The following EIF3J variants were observed in gnomAD, a reference collection of about 807,000 sequenced individuals.
EIF3J encodes the protein eukaryotic translation initiation factor 3, subunit 1 (alpha, 35kD).
Under a neutral mutation model 39.0 loss-of-function variants are expected in EIF3J, and 15 were observed. The observed-to-expected ratio is 0.38, with a 90% CI of 0.26 to 0.59. The LOEUF is 0.59. Among genes scored for constraint, EIF3J ranks in the 20% least tolerant of loss-of-function variants. The pLI is 0.60. For synonymous variants in EIF3J, 98 were observed against 112.9 expected, an observed-to-expected ratio of 0.87 and a Z score of 0.84; for missense variants, 226 against 308.6, an observed-to-expected ratio of 0.73 and a Z score of 2.00.
At chr15:44,548,512 A>G (rs1031354483) in intron 2 of EIF3J, among the ~76,000 whole-genome samples, 3 of 152,234 alleles carry the variant, frequency 2.0e-5, no homozygotes, top group East Asian at 3.8e-4. Flanking sequence ...GACCAAGTAC[A>G]TATGAAAATT....
rs779117163 is a variant in EIF3J, at chr15:44,537,361, G to A, written c.81G>A (p.Lys27=). The A allele has an allele frequency of 6.8e-5, 106 of 1,567,568 alleles. No homozygotes were observed. The highest frequency in any genetic ancestry group is 8.7e-5 in the Non-Finnish European group (101 of 1,156,056). ...DAFSVEDPVR[K]VGGGGTAGGD... is the part of the protein sequence containing the mutation. Reference sequence around the variant, plus strand: ...TCTCCGTGGAAGACCCAGTGCGGAAGGTGGGGGGCGGCGGCACTGCCGGCG... The same window carrying A: ...TCTCCGTGGAAGACCCAGTGCGGAAAGTGGGGGGCGGCGGCACTGCCGGCG... The change falls in exon 2 of 8, where the codon AAG becomes AAA. Residue 27 remains lysine (K), a synonymous_variant. Coordinates refer to ENST00000261868, the MANE Select transcript of EIF3J (RefSeq NM_003758.4).
In EIF3J at chr15:44,561,341, T is replaced by C. The variant is rs1347560343; in HGVS notation, c.*192T>C. 1.9e-6 allele frequency: 1 copy of C among 522,326 alleles called. No individual in the cohort carries two copies. Among genetic ancestry groups the C allele is most frequent in the Non-Finnish European group, 3.1e-6 (1 of 321,080 alleles). 32.4% of individuals were successfully genotyped at this position (522,326 alleles called of 1,614,324 possible). On this transcript the variant is annotated 3_prime_UTR_variant, in exon 8 of 8. Transcript: ENST00000261868. ...GAACTTGGATCTTGCTGCCAAGGGG[T>C]TAAAATTGGGAACCTAAGTTGCTAC... is the stretch of plus-strand genomic sequence containing the variant.
intron 2 of EIF3J, among the ~76,000 whole-genome samples, chr15:44,537,657 C>G (rs1030375296): frequency 3.3e-5 from 5 of 152,218 alleles, no homozygotes; most frequent in Non-Finnish European, 7.3e-5. Context: ...CGGCGTGGAT[C>G]CCACCCGCCG....
At chr15:44,552,070 C>T (rs1412166451) in intron 4 of EIF3J, among the ~76,000 whole-genome samples, 1 of 151,946 alleles carries the variant, frequency 6.6e-6, no homozygotes, top group Non-Finnish European at 1.5e-5. Flanking sequence ...ATCCACCCGC[C>T]TCGGCCTCCC....
intron 2 of EIF3J, among the ~76,000 whole-genome samples, chr15:44,539,388 C>A (rs1444156691): frequency 6.6e-6 from 1 of 151,706 alleles, no homozygotes; most frequent in Non-Finnish European, 1.5e-5. Context: ...TGTAAGGGAC[C>A]ACAAAGATTA....
intron 2 of EIF3J, among the ~76,000 whole-genome samples, chr15:44,539,296 A>T (rs1483504692): frequency 6.6e-6 from 1 of 150,992 alleles, no homozygotes; most frequent in Non-Finnish European, 1.5e-5. Flanking sequence ...AAAGTGCTGG[A>T]ATTATAGGCG....
At position 44,537,347 on chromosome 15, in the gene EIF3J, G is replaced by A. The variant is rs559737495; in HGVS notation, c.67G>A (p.Asp23Asn). 10 of 1,566,558 alleles carry A rather than the reference G, an allele frequency of 6.4e-6. No individual in the cohort carries two copies. In the East Asian group the frequency reaches 2.1e-4, roughly 33 times the overall value. Residue 23 changes from aspartate (D) to asparagine (N), a missense_variant, in exon 2 of 8, where the codon GAC becomes AAC. Transcript: ENST00000261868. Reference protein sequence around the residue: ...SWDADAFSVEDPVRKVGGGGT... With the variant: ...SWDADAFSVENPVRKVGGGGT... ...AGACGCCGACGCTTTCTCCGTGGAA[G>A]ACCCAGTGCGGAAGGTGGGGGGCGG...
At chr15:44,557,713 G>A in intron 6 of EIF3J, 63 bp downstream of exon 6, 1 of 1,255,788 alleles carries the variant, frequency 8.0e-7, no homozygotes, top group Non-Finnish European at 1.0e-6. Flanking sequence ...TCTTCAGGAG[G>A]TTGAAGGTTA....
At position 44,550,530 on chromosome 15, in the gene EIF3J, C is replaced by G. The variant is rs934267446; in HGVS notation, c.148-346C>G. Reference sequence around the variant, plus strand: ...GTTTTTATACACAAATAATAGCCACCTAGAGGACATAATAGGAAAACACCC... The same window carrying G: ...GTTTTTATACACAAATAATAGCCACGTAGAGGACATAATAGGAAAACACCC... On this transcript the variant is annotated intron_variant, in intron 2 of 7. Transcript: ENST00000261868. 1.3e-4 allele frequency among the ~76,000 whole-genome samples: 20 copies of G among 151,796 alleles called. No individual in the cohort carries two copies. In the East Asian group the frequency reaches 3.3e-3, roughly 25 times the overall value.
chr15:44,560,149 T>C lies in EIF3J; in HGVS notation c.572-100T>C, dbSNP rs2082179601. On this transcript the variant is annotated intron_variant, in intron 6 of 7. Transcript: ENST00000261868. Reference sequence around the variant, plus strand: ...TCTCATAACACTTTTGGAATGTACATTTTGGGATATATAGATATATATGGA... The same window carrying C: ...TCTCATAACACTTTTGGAATGTACACTTTGGGATATATAGATATATATGGA... 4.5e-6 allele frequency: 4 copies of C among 888,676 alleles called. No individual in the cohort carries two copies. The Admixed American group carries it at 1.2e-4, about 27-fold the overall frequency. 55.0% of individuals were successfully genotyped at this position (888,676 alleles called of 1,614,324 possible).
rs757978224 is a variant in EIF3J, at chr15:44,557,640, G to A, written c.561G>A (p.Val187=). 1.7e-5 allele frequency: 25 copies of A among 1,485,096 alleles called. No individual in the cohort carries two copies. The highest frequency in any genetic ancestry group is 2.1e-5 in the Non-Finnish European group (23 of 1,114,130). The allele number at this position is 1,485,096 out of a possible 1,614,324, so 92.0% of individuals were successfully genotyped here. A position where few individuals can be genotyped will look rare whatever the true frequency, so the allele number is the denominator to read the frequency against. Residue 187 remains valine, a synonymous_variant, in exon 6 of 8, where the codon GTG becomes GTA. Coordinates refer to ENST00000261868, the MANE Select transcript of EIF3J (RefSeq NM_003758.4). ...TTTTGGAAGTCTTAGTTCGAGATGTGTGTATTTCATGTAAGTAATTCTAAT... is the reference window on the plus strand; with the variant it reads ...TTTTGGAAGTCTTAGTTCGAGATGTATGTATTTCATGTAAGTAATTCTAAT... ...ASFLEVLVRD[V]CISLEIDDLK...
chr15:44,543,415 C>A (rs2082027733), intron 2 of EIF3J, among the ~76,000 whole-genome samples: 1 of 145,112 alleles, frequency 6.9e-6, no homozygotes. Flanking sequence ...TGATAGGAAC[C>A]ACTTTTTTTT....
chr15:44,538,522 C>A (rs1223279951), intron 2 of EIF3J, among the ~76,000 whole-genome samples: 1 of 152,114 alleles, frequency 6.6e-6, no homozygotes, highest in Non-Finnish European at 1.5e-5. Flanking sequence ...TAGATAATCA[C>A]TATGAACTTA....
intron 2 of EIF3J, among the ~76,000 whole-genome samples, chr15:44,542,626 A>G (rs1002593113): frequency 1.3e-5 from 2 of 152,256 alleles, no homozygotes; most frequent in East Asian, 1.9e-4. Context: ...AAAGCAAGAT[A>G]TAAAGTTTTC....
intron 3 of EIF3J, 52 bp downstream of exon 3, chr15:44,550,982 G>A (rs1297286610): frequency 4.4e-6 from 7 of 1,585,880 alleles, no homozygotes; most frequent in Non-Finnish European, 6.0e-6. Flanking sequence ...CTGAGCATTT[G>A]TGACTTGTAT....
At chr15:44,546,963 G>A (rs950740967) in intron 2 of EIF3J, among the ~76,000 whole-genome samples, 8 of 150,596 alleles carry the variant, frequency 5.3e-5, no homozygotes, top group Admixed American at 1.3e-4. Context: ...CTAGGATTAC[G>A]GGCGTGCACC....
intron 2 of EIF3J, among the ~76,000 whole-genome samples, chr15:44,542,443 A>G (rs2082021101): frequency 6.6e-6 from 1 of 152,192 alleles, no homozygotes; most frequent in African/African-American, 2.4e-5. Flanking sequence ...AGGGCAAAAG[A>G]GTTTTATTGC....
intron 3 of EIF3J, among the ~76,000 whole-genome samples, 179 bp from the exon 4 acceptor site, chr15:44,551,251 AG>A (rs1394897250): frequency 6.6e-6 from 1 of 152,168 alleles, no homozygotes; most frequent in Non-Finnish European, 1.5e-5. Flanking sequence ...TTTGGATCTT[AG>A]GGGTCACATT....
At chr15:44,560,748 T>C (rs2082185696) in intron 7 of EIF3J, among the ~76,000 whole-genome samples, 1 of 152,210 alleles carries the variant, frequency 6.6e-6, no homozygotes. Context: ...CTAAATTTGC[T>C]TCAGTGAAGT....
Sources: gnomAD v4.1 joint callset for allele counts (sites outside exome capture counted in the v4.1 genomes callset) on GRCh38, gnomAD v4.1.1 for gene constraint, MANE v1.5 for transcripts, NCBI Gene and HGNC (gene_info 2026-07-23, HGNC 2026-07-21) for gene names.